The following SOS1 variants were observed in gnomAD, a reference collection of about 807,000 sequenced individuals.
SOS1 encodes son of sevenless homolog 1.
SOS1 carries 25 observed loss-of-function variants against 157.6 expected under a neutral mutation model. That is an observed-to-expected ratio of 0.16 (90% CI 0.12 to 0.22). SOS1 has a LOEUF of 0.22. Among genes scored for constraint, SOS1 ranks in the 10% least tolerant of loss-of-function variants. The pLI is 1.00. For missense variants in SOS1, 1,237 were observed against 1,599.1 expected (o/e 0.77, Z 3.86); for synonymous variants, 528 against 534.0 (o/e 0.99, Z 0.16).
intron 8 of SOS1, among the ~76,000 whole-genome samples, chr2:39,027,830 A>ATTT (rs375324523): frequency 7.0e-6 from 1 of 142,736 alleles, no homozygotes; most frequent in African/African-American, 2.6e-5. Flanking sequence ...TCATATTATT[A>ATTT]TTTTTTTTTT....
chr2:39,106,555 C>A (rs1244500861), intron 1 of SOS1, among the ~76,000 whole-genome samples: 2 of 143,514 alleles, frequency 1.4e-5, no homozygotes, highest in African/African-American at 5.4e-5. Context: ...CCCGCCACTG[C>A]ACTCCAGCCT....
rs144826558 is a variant in SOS1, at chr2:39,006,152, A to T, written c.2791+260T>A. Among the ~76,000 whole-genome samples the T allele has an allele frequency of 3.0e-3, 462 of 152,274 alleles. 2 individuals are homozygous for T. Among genetic ancestry groups the T allele is most frequent in the Middle Eastern group, 0.01 (3 of 294 alleles). ...GTATTTAGTTTATTAAAATGCAATT[A>T]AAAAGGCTTTTATAAATATAAAAAC... On this transcript the variant is annotated intron_variant, in intron 17 of 22. Coordinates refer to ENST00000402219, the MANE Select transcript of SOS1 (RefSeq NM_005633.4).
rs574641160 is a variant in SOS1 at position 39,069,294 on chromosome 2, C to T, written c.88-1541G>A. ...AGAGGCTGAGGTGACGTGGAAGGAT[C>T]GCTTAAACCCAGGATGCCAGGGCTG... On this transcript the variant is annotated intron_variant, in intron 1 of 22. Coordinates refer to ENST00000402219, the MANE Select transcript of SOS1 (RefSeq NM_005633.4). Among the ~76,000 whole-genome samples, 26 of 146,748 alleles carry T rather than the reference C, an allele frequency of 1.8e-4. 1 individual carries two copies. The highest frequency in any genetic ancestry group is 5.3e-4 in the African/African-American group (21 of 39,544).
chr2:39,082,027 C>T (rs1352042954), intron 1 of SOS1, among the ~76,000 whole-genome samples: 1 of 152,092 alleles, frequency 6.6e-6, no homozygotes, highest in Non-Finnish European at 1.5e-5. Context: ...TATCCATTCC[C>T]TCAAGCATTT....
chr2:39,038,369 G>A (rs560633323), intron 6 of SOS1, among the ~76,000 whole-genome samples: 1 of 152,278 alleles, frequency 6.6e-6, no homozygotes, highest in South Asian at 2.1e-4. Context: ...GGAGCCTGAT[G>A]ATGTGACTTG....
intron 1 of SOS1, among the ~76,000 whole-genome samples, chr2:39,086,066 C>A (rs1046453298): frequency 1.3e-5 from 2 of 152,128 alleles, no homozygotes; most frequent in African/African-American, 4.8e-5. Flanking sequence ...ATATTACATA[C>A]CAATATATTG....
intron 8 of SOS1, among the ~76,000 whole-genome samples, chr2:39,026,156 A>G (rs950053099): frequency 1.3e-5 from 2 of 152,080 alleles, no homozygotes; most frequent in East Asian, 1.9e-4. Context: ...GGAGTTTGAG[A>G]CCAGCCTGGC....
intron 6 of SOS1, among the ~76,000 whole-genome samples, chr2:39,040,664 A>AT (rs1331803509): frequency 3.9e-5 from 6 of 152,182 alleles, no homozygotes; most frequent in African/African-American, 1.4e-4. Context: ...AATTTTATCC[A>AT]TTTTTAAGCT....
chr2:39,117,153 C>T (rs1052700145), intron 1 of SOS1, among the ~76,000 whole-genome samples: 19 of 151,790 alleles, frequency 1.3e-4, no homozygotes, highest in Non-Finnish European at 2.6e-4. Flanking sequence ...CTCAGCCTCC[C>T]GAGTAGCTGG....
chr2:39,106,781 C>A (rs1405107951), intron 1 of SOS1, among the ~76,000 whole-genome samples: 1 of 152,116 alleles, frequency 6.6e-6, no homozygotes, highest in Non-Finnish European at 1.5e-5. Context: ...CCCAGACTAG[C>A]AAGGAAAACC....
At chr2:39,092,988 T>A (rs968596387) in intron 1 of SOS1, among the ~76,000 whole-genome samples, 1 of 152,204 alleles carries the variant, frequency 6.6e-6, no homozygotes, top group Non-Finnish European at 1.5e-5. Flanking sequence ...GAGGCAATAT[T>A]ACTTCTTTGG....
chr2:38,982,678 ACTC>A lies in SOS1; in HGVS notation c.*3143_*3145del, dbSNP rs779640901. On this transcript the variant is annotated 3_prime_UTR_variant, in exon 23 of 23. Transcript: ENST00000402219. ...ATGTACAACACTAATAAATTGGGAC[ACTC>A]CTCCTATTTTGCTGAGTCACTTAAA... 1.4e-4 allele frequency: 21 copies of A among 152,138 alleles called. No individual in the cohort carries two copies. The highest frequency in any genetic ancestry group is 2.9e-4 in the African/African-American group (12 of 41,450). 9.4% of individuals were successfully genotyped at this position (152,138 alleles called of 1,614,324 possible).
chr2:38,994,458 C>A (rs1226297792), intron 20 of SOS1, among the ~76,000 whole-genome samples: 1 of 152,150 alleles, frequency 6.6e-6, no homozygotes, highest in Non-Finnish European at 1.5e-5. Context: ...GGGCTTAAAT[C>A]TGATACATTG....
chr2:39,039,754 T>C (rs562249612), intron 6 of SOS1, among the ~76,000 whole-genome samples: 1 of 152,236 alleles, frequency 6.6e-6, no homozygotes, highest in Non-Finnish European at 1.5e-5. Flanking sequence ...ACTACCATCA[T>C]AATCTATTTT....
intron 17 of SOS1, among the ~76,000 whole-genome samples, chr2:39,004,507 A>G (rs1240056507): frequency 6.6e-6 from 1 of 151,766 alleles, no homozygotes; most frequent in East Asian, 1.9e-4. Context: ...TTGGGTGGGG[A>G]AATAAATTTG....
chr2:39,064,742 A>T lies in SOS1; in HGVS notation c.213+2886T>A, dbSNP rs1460451356. On this transcript the variant is annotated intron_variant, in intron 2 of 22. Coordinates refer to ENST00000402219, the MANE Select transcript of SOS1 (RefSeq NM_005633.4). ...TCAGATTGATCTATTTTTAAAATAC[A>T]TTTTTTTTTTTTTTTTTTTTTTTGG... 4.2e-3 allele frequency among the ~76,000 whole-genome samples: 314 copies of T among 74,826 alleles called. 6 individuals carry two copies. The highest frequency in any genetic ancestry group is 0.012 in the African/African-American group (224 of 18,044). The allele number at this position is 74,826 out of a possible 152,430, so 49.1% of individuals were successfully genotyped here.
At chr2:39,031,522 G>C (rs1299200501) in intron 8 of SOS1, among the ~76,000 whole-genome samples, 1 of 152,148 alleles carries the variant, frequency 6.6e-6, no homozygotes, top group South Asian at 2.1e-4. Context: ...TTGAGGTCAG[G>C]AGTTCGTGAC....
chr2:39,063,751 T>C (rs941169987), intron 2 of SOS1, among the ~76,000 whole-genome samples: 2 of 152,244 alleles, frequency 1.3e-5, no homozygotes, highest in Admixed American at 6.5e-5. Context: ...CCCTAGGAGC[T>C]ACCAAATTAA....
In SOS1 at chr2:38,986,137, G is replaced by C; in HGVS notation, c.3689C>G (p.Pro1230Arg). 6.2e-7 allele frequency: 1 copy of C among 1,613,768 alleles called. No individual in the cohort carries two copies. The highest frequency in any genetic ancestry group is 8.5e-7 in the Non-Finnish European group (1 of 1,179,860). The change falls in exon 23 of 23, where the codon CCA (proline) becomes CGA (arginine). Residue 1230 changes from proline (P) to arginine (R), a missense_variant. This residue lies in a region of SOS1 where 306 missense variants were observed against 322.6 expected (regional missense o/e 0.95). Coordinates refer to ENST00000402219, the MANE Select transcript of SOS1 (RefSeq NM_005633.4). ...CAAAGGGGGAGGTTGGAGATGTAGTGGTGAGCTTGAGAAAACATCAGGTGT... is the reference window on the plus strand; with the variant it reads ...CAAAGGGGGAGGTTGGAGATGTAGTCGTGAGCTTGAGAAAACATCAGGTGT... ...VRTPDVFSSSPLHLQPPPLGK... is the reference protein window; with the variant it reads ...VRTPDVFSSSRLHLQPPPLGK...
Sources: gnomAD v4.1 joint callset for allele counts (sites outside exome capture counted in the v4.1 genomes callset) on GRCh38, gnomAD v4.1.1 for gene constraint, gnomAD v4.1.1 regional missense constraint, MANE v1.5 for transcripts, NCBI Gene and HGNC (gene_info 2026-07-23, HGNC 2026-07-21) for gene names.